The following JADE1 variants were observed in gnomAD, a reference collection of about 807,000 sequenced individuals.
JADE1 encodes jade family PHD finger 1.
Under a neutral mutation model 81.8 loss-of-function variants are expected in JADE1, and 14 were observed. The observed-to-expected ratio is 0.17, with a 90% CI of 0.11 to 0.27. The LOEUF is 0.27. JADE1 is among the 10% of genes least tolerant of loss of function. The pLI, the probability that JADE1 is intolerant of heterozygous loss-of-function variation, is 1.00. For missense variants in JADE1, 690 were observed against 1,047.9 expected (o/e 0.66, Z 4.71); for synonymous variants, 353 against 391.9 (o/e 0.90, Z 1.17).
rs1727868104 is a variant in JADE1 at position 128,824,462 on chromosome 4, TAG to T, written c.-26-7270_-26-7269del. 2.0e-5 allele frequency among the ~76,000 whole-genome samples: 3 copies of T among 152,088 alleles called. No individual in the cohort carries two copies. In the South Asian group the frequency reaches 6.2e-4, roughly 31 times the overall value. On this transcript the variant is annotated intron_variant, in intron 1 of 10. Coordinates refer to ENST00000226319, the MANE Select transcript of JADE1 (RefSeq NM_199320.4). ...AGAAAGGAGTAGCTCATAAAATACT[TAG>T]TTTTATATAAGACCACCTGGTTTCT... is the stretch of plus-strand genomic sequence containing the variant.
At chr4:128,815,336 G>T (rs929762582) in intron 1 of JADE1, among the ~76,000 whole-genome samples, 3 of 151,902 alleles carry the variant, frequency 2.0e-5, no homozygotes, top group Non-Finnish European at 4.4e-5. Context: ...TCCTGACCTC[G>T]TGATCCGCCC....
chr4:128,854,969 T>A (rs1270897700), intron 6 of JADE1, among the ~76,000 whole-genome samples: 1 of 152,230 alleles, frequency 6.6e-6, no homozygotes, highest in African/African-American at 2.4e-5. Flanking sequence ...CTGAATTTGT[T>A]TTAAATACCA....
chr4:128,830,394 C>T (rs545963638), intron 1 of JADE1, among the ~76,000 whole-genome samples: 66 of 151,946 alleles, frequency 4.3e-4, no homozygotes, highest in African/African-American at 1.3e-3. Context: ...CCACCACGCC[C>T]GGCTAATTTT....
At chr4:128,831,147 G>A (rs1457145777) in intron 1 of JADE1, among the ~76,000 whole-genome samples, 1 of 152,200 alleles carries the variant, frequency 6.6e-6, no homozygotes, top group Non-Finnish European at 1.5e-5. Flanking sequence ...ATTGTATAAT[G>A]TCTGTGGTTC....
intron 2 of JADE1, among the ~76,000 whole-genome samples, chr4:128,838,531 T>TG (rs769734399): frequency 2.0e-5 from 3 of 152,182 alleles, no homozygotes; most frequent in Non-Finnish European, 4.4e-5. Context: ...ACAAACAAAA[T>TG]GCAAACCAAC....
chr4:128,855,680 A>T lies in JADE1; in HGVS notation c.747A>T (p.Thr249=). 6.2e-7 allele frequency: 1 copy of T among 1,614,170 alleles called. No individual in the cohort carries two copies. The highest frequency in any genetic ancestry group is 8.5e-7 in the Non-Finnish European group (1 of 1,179,994). The change falls in exon 7 of 11, where the codon ACA becomes ACT. Residue 249 remains threonine, a synonymous_variant. Transcript: ENST00000226319. ...CAGAGGGCAGCTGGCTGTGCCGGACATGTGCCCTGGGGGTTCAGCCAAAAT... is the reference window on the plus strand; with the variant it reads ...CAGAGGGCAGCTGGCTGTGCCGGACTTGTGCCCTGGGGGTTCAGCCAAAAT... ...KVPEGSWLCR[T]CALGVQPKCL...
rs1488907566 is a variant in JADE1, at chr4:128,849,172, GA to G, written c.484+6del. 1 of 1,601,120 alleles carries G rather than the reference GA, an allele frequency of 6.2e-7. No homozygotes were observed. Among genetic ancestry groups the G allele is most frequent in the Non-Finnish European group, 8.5e-7 (1 of 1,171,668 alleles). Reference sequence around the variant, plus strand: ...ATGAAGAATTTAAGGAGATGGGTGAGAGACCATGTATTCTATTATTTTATTA... The same window carrying G: ...ATGAAGAATTTAAGGAGATGGGTGAGGACCATGTATTCTATTATTTTATTA... On this transcript the variant is annotated splice_donor_region_variant and intron_variant, in intron 5 of 10. Coordinates refer to ENST00000226319, the MANE Select transcript of JADE1 (RefSeq NM_199320.4).
At chr4:128,851,872 C>A (rs1302494110) in intron 5 of JADE1, among the ~76,000 whole-genome samples, 185 bp from the exon 6 acceptor site, 1 of 152,126 alleles carries the variant, frequency 6.6e-6, no homozygotes, top group Non-Finnish European at 1.5e-5. Flanking sequence ...CTATATTGCC[C>A]AGGCTGACCT....
chr4:128,862,835 A>C, intron 9 of JADE1: 1 of 992,074 alleles, frequency 1.0e-6, no homozygotes, highest in Non-Finnish European at 1.2e-6. Flanking sequence ...GTATGTACAC[A>C]TGCATATATC....
intron 6 of JADE1, 21 bp downstream of exon 6, chr4:128,852,289 A>G (rs750645998): frequency 4.9e-5 from 78 of 1,602,886 alleles, no homozygotes; most frequent in Non-Finnish European, 5.7e-5. Flanking sequence ...CAGGGAGGCC[A>G]GAAAGAAGAA....
chr4:128,846,665 C>G lies in JADE1; in HGVS notation c.296+133C>G. 1.1e-6 allele frequency: 1 copy of G among 925,278 alleles called. No homozygotes were observed. Among genetic ancestry groups the G allele is most frequent in the Middle Eastern group, 3.4e-4 (1 of 2,930 alleles). 57.3% of individuals were successfully genotyped at this position (925,278 alleles called of 1,614,324 possible). The stretch of plus-strand genomic sequence containing the variant: ...TTAGCATTAAAATATCATGAGGCCT[C>G]AAGTGGAAATAGAAATTCAGGAGCA... On this transcript the variant is annotated intron_variant, in intron 4 of 10. Coordinates refer to ENST00000226319, the MANE Select transcript of JADE1 (RefSeq NM_199320.4). This position sits in a 1 kb window ranked among gnomAD's most constrained non-coding sequence, Gnocchi z 4.0.
chr4:128,816,404 A>G (rs916324515), intron 1 of JADE1: 5 of 152,188 alleles, frequency 3.3e-5, no homozygotes, highest in African/African-American at 9.7e-5. Flanking sequence ...CTGCTCTCCT[A>G]ATAAATGCAA....
At chr4:128,864,525 A>G (rs1731638688) in intron 9 of JADE1, 1 of 985,380 alleles carries the variant, frequency 1.0e-6, no homozygotes, top group Non-Finnish European at 1.2e-6. Context: ...TGAAGGCATT[A>G]AACAATTGAA....
intron 9 of JADE1, chr4:128,864,511 A>G (rs1731638168): frequency 1.0e-6 from 1 of 985,238 alleles, no homozygotes. Context: ...GATGCCTGTG[A>G]TGGTGAAGGC....
chr4:128,866,800 A>G (rs1358224547), intron 9 of JADE1, among the ~76,000 whole-genome samples: 2 of 152,190 alleles, frequency 1.3e-5, no homozygotes, highest in African/African-American at 4.8e-5. Context: ...CCTGCCACTG[A>G]GATTACTTAG....
At position 128,838,628 on chromosome 4, in the gene JADE1, C is replaced by G. The variant is rs137976673; in HGVS notation, c.53-4325C>G. Among the ~76,000 whole-genome samples the G allele has an allele frequency of 8.3e-4, 127 of 152,344 alleles. 1 individual carries two copies. In the East Asian group the frequency reaches 0.022, roughly 27 times the overall value. ...TGATGTTTTGCTGTAGTATAAATCACTGACTCCTGGTCTTTTTAGTATTTA... is the reference window on the plus strand; with the variant it reads ...TGATGTTTTGCTGTAGTATAAATCAGTGACTCCTGGTCTTTTTAGTATTTA... On this transcript the variant is annotated intron_variant, in intron 2 of 10. Coordinates refer to ENST00000226319, the MANE Select transcript of JADE1 (RefSeq NM_199320.4).
At chr4:128,870,052 G>A (rs544207058) in intron 10 of JADE1, among the ~76,000 whole-genome samples, 2 of 152,302 alleles carry the variant, frequency 1.3e-5, no homozygotes, top group Non-Finnish European at 1.5e-5. Context: ...AGGGTCATGA[G>A]TTGGAGGCTC....
chr4:128,816,331 GT>G (rs1157967698), intron 1 of JADE1: 7 of 152,208 alleles, frequency 4.6e-5, no homozygotes, highest in African/African-American at 1.7e-4. Flanking sequence ...GATCATGAGG[GT>G]GTATGCATTA....
intron 7 of JADE1, 133 bp from the exon 8 acceptor site, chr4:128,857,205 G>C: frequency 1.4e-6 from 1 of 722,336 alleles, no homozygotes. Context: ...GTAAGGGTTT[G>C]CTTTGAGTGG....
Sources: allele counts gnomAD v4.1 joint callset (sites outside exome capture counted in the v4.1 genomes callset), GRCh38; gene constraint gnomAD v4.1.1; non-coding constraint Gnocchi (gnomAD v3.1); transcripts MANE v1.5; gene names NCBI Gene and HGNC (gene_info 2026-07-23, HGNC 2026-07-21).